The following GNAL variants were observed in gnomAD, a reference collection of about 807,000 sequenced individuals.
The protein encoded by GNAL is G protein subunit alpha L.
In GNAL, 18 loss-of-function variants were observed where a neutral mutation model predicts 55.1. That is an observed-to-expected ratio of 0.33 (90% CI 0.23 to 0.48). GNAL has a LOEUF of 0.48. Ranked by LOEUF, GNAL falls within the 20% of genes least tolerant of loss-of-function variation. The pLI is 0.99. For synonymous variants in GNAL, 253 were observed against 237.0 expected (o/e 1.07, Z -0.62); for missense variants, 412 against 614.1 (o/e 0.67, Z 3.48).
At chr18:11,870,242 C>T (rs989668508) in intron 9 of GNAL, among the ~76,000 whole-genome samples, 7 of 152,010 alleles carry the variant, frequency 4.6e-5, no homozygotes, top group Non-Finnish European at 8.8e-5. Flanking sequence ...GTTTAGGGGC[C>T]GGGAACAGTG....
chr18:11,879,965 TTAA>T (rs1382668948), intron 11 of GNAL, among the ~76,000 whole-genome samples: 3 of 152,018 alleles, frequency 2.0e-5, no homozygotes, highest in African/African-American at 4.8e-5. Flanking sequence ...GGACATTTAA[TTAA>T]AACTAGCTGG....
At chr18:11,813,999 A>G (rs1317898823) in intron 4 of GNAL, among the ~76,000 whole-genome samples, 5 of 152,230 alleles carry the variant, frequency 3.3e-5, no homozygotes, top group Non-Finnish European at 7.3e-5. Context: ...CTATGGAAAA[A>G]AAGTGAATAT....
At chr18:11,773,180 C>G (rs1297240197) in intron 4 of GNAL, among the ~76,000 whole-genome samples, 1 of 152,228 alleles carries the variant, frequency 6.6e-6, no homozygotes, top group African/African-American at 2.4e-5. Flanking sequence ...CCAAGGTGTC[C>G]CCTTACCAGG....
At chr18:11,830,942 A>C (rs2035367166) in intron 5 of GNAL, among the ~76,000 whole-genome samples, 1 of 152,254 alleles carries the variant, frequency 6.6e-6, no homozygotes, top group African/African-American at 2.4e-5. Flanking sequence ...CTACAGAGAC[A>C]GAAGTCAAGT....
intron 1 of GNAL, among the ~76,000 whole-genome samples, chr18:11,742,243 G>A (rs2032592535): frequency 6.6e-6 from 1 of 152,220 alleles, no homozygotes; most frequent in South Asian, 2.1e-4. Context: ...CGTTGTTCAT[G>A]TGTCTGCTCA....
intron 4 of GNAL, among the ~76,000 whole-genome samples, chr18:11,817,998 G>A (rs942533759): frequency 5.3e-5 from 8 of 151,770 alleles, no homozygotes; most frequent in African/African-American, 1.9e-4. Flanking sequence ...CACTTTGGGA[G>A]GCTGAGACGG....
At chr18:11,811,798 G>A (rs1014576913) in intron 4 of GNAL, among the ~76,000 whole-genome samples, 2 of 152,168 alleles carry the variant, frequency 1.3e-5, no homozygotes, top group Admixed American at 6.5e-5. Flanking sequence ...AGGATACGGA[G>A]TGACTAAAAA....
chr18:11,838,947 GTTC>G (rs2035554638), intron 5 of GNAL, among the ~76,000 whole-genome samples: 3 of 152,162 alleles, frequency 2.0e-5, no homozygotes. Context: ...ATTTGGAGTT[GTTC>G]TTCTCCATGC....
chr18:11,864,277 A>C (rs1423296562), intron 6 of GNAL, among the ~76,000 whole-genome samples: 1 of 151,892 alleles, frequency 6.6e-6, no homozygotes, highest in Admixed American at 6.6e-5. Flanking sequence ...TATTTTTAGT[A>C]GAGATAGGGT....
At chr18:11,815,706 C>G (rs1488853445) in intron 4 of GNAL, among the ~76,000 whole-genome samples, 1 of 151,996 alleles carries the variant, frequency 6.6e-6, no homozygotes, top group African/African-American at 2.4e-5. Flanking sequence ...ATAAACTTTG[C>G]TCATCAAAAA....
At chr18:11,863,823 C>T (rs1455350231) in intron 6 of GNAL, among the ~76,000 whole-genome samples, 1 of 152,188 alleles carries the variant, frequency 6.6e-6, no homozygotes, top group Non-Finnish European at 1.5e-5. Flanking sequence ...AGGCTGAAGA[C>T]TTGTGAGTGC....
chr18:11,744,736 A>C (rs1465115438), intron 1 of GNAL, among the ~76,000 whole-genome samples: 2 of 152,188 alleles, frequency 1.3e-5, no homozygotes, highest in African/African-American at 4.8e-5. Context: ...TCAGAGACAG[A>C]GTCTCGCTCT....
At chr18:11,766,708 A>G (rs2033416135) in intron 4 of GNAL, among the ~76,000 whole-genome samples, 1 of 152,248 alleles carries the variant, frequency 6.6e-6, no homozygotes, top group South Asian at 2.1e-4. Flanking sequence ...AATTAGCTGG[A>G]AACTGCTTGG....
At chr18:11,804,866 A>G (rs111328716) in intron 4 of GNAL, among the ~76,000 whole-genome samples, 7 of 124,176 alleles carry the variant, frequency 5.6e-5, no homozygotes, top group African/African-American at 1.4e-4. Flanking sequence ...GTACAGGTGC[A>G]GTTTGGGTGG....
At chr18:11,690,783 A>G (rs1244108025) in intron 1 of GNAL, among the ~76,000 whole-genome samples, 2 of 151,964 alleles carry the variant, frequency 1.3e-5, no homozygotes, top group South Asian at 2.1e-4. Context: ...TACAAAGGAC[A>G]TGAACTCATG....
intron 4 of GNAL, among the ~76,000 whole-genome samples, chr18:11,771,232 GAAA>G (rs931871425): frequency 9.8e-4 from 142 of 144,494 alleles, no homozygotes; most frequent in Non-Finnish European, 1.6e-3. Context: ...AAAAAAAAAA[GAAA>G]AAAAGAGATT....
chr18:11,883,179 A>G lies in GNAL; in HGVS notation c.*2044A>G, dbSNP rs1423092319. The G allele has an allele frequency of 1.3e-5, 2 of 151,940 alleles. No homozygotes were observed. The highest frequency in any genetic ancestry group is 1.9e-4 in the East Asian group (1 of 5,164). The allele number at this position is 151,940 out of a possible 1,614,324, so 9.4% of individuals were successfully genotyped here. On this transcript the variant is annotated 3_prime_UTR_variant, in exon 12 of 12. Transcript: ENST00000334049. ...ATGAAGAAAGGATAACTTTATAGAC[A>G]GTCAGTGCAACACACACATTTTATC...
intron 4 of GNAL, among the ~76,000 whole-genome samples, chr18:11,792,620 T>C (rs75926143): frequency 1.3e-5 from 2 of 152,226 alleles, no homozygotes; most frequent in South Asian, 4.1e-4. Context: ...TACAAACTCT[T>C]TGAGGACAAG....
intron 1 of GNAL, among the ~76,000 whole-genome samples, chr18:11,728,989 A>C (rs1213994768): frequency 6.6e-6 from 1 of 152,208 alleles, no homozygotes; most frequent in Non-Finnish European, 1.5e-5. Flanking sequence ...ACTGGTTAGT[A>C]GATAAAGTCT....
Sources: allele counts gnomAD v4.1 joint callset (sites outside exome capture counted in the v4.1 genomes callset), GRCh38; gene constraint gnomAD v4.1.1; transcripts MANE v1.5; gene names NCBI Gene and HGNC (gene_info 2026-07-23, HGNC 2026-07-21).